DDIAS: variants seen among roughly 807,000 people sequenced by gnomAD.
DDIAS encodes the protein DNA damage induced apoptosis suppressor.
DDIAS carries 14 observed loss-of-function variants against 15.7 expected under a neutral mutation model. The observed-to-expected ratio is 0.89, with a 90% CI of 0.59 to 1.39. The LOEUF (loss-of-function observed/expected upper bound fraction) is 1.39. Ranked by LOEUF, DDIAS falls within the 40% of genes most tolerant of loss-of-function variation. The pLI is 0.00. For missense variants in DDIAS, 1,035 were observed against 1,130.9 expected (o/e 0.92, Z 1.22); for synonymous variants, 355 against 395.9 (o/e 0.90, Z 1.23).
At chr11:82,930,744 G>GT (rs997492787) in intron 5 of DDIAS, among the ~76,000 whole-genome samples, 1 of 103,160 alleles carries the variant, frequency 9.7e-6, no homozygotes, top group African/African-American at 4.9e-5. Flanking sequence ...TGTAGAAGAA[G>GT]TTAAAAAAAA....
intron 1 of DDIAS, among the ~76,000 whole-genome samples, chr11:82,910,529 C>T (rs1860509919): frequency 6.6e-6 from 1 of 151,532 alleles, no homozygotes. Flanking sequence ...CCTCGGCCTC[C>T]CAAAGTGCTG....
rs768107735 is a variant in DDIAS, at chr11:82,933,147, C to A, written c.1809C>A (p.Val603=). ...TTLCYRKYND[V]SDLCKLENKQ... ...TGTGTTATAGGAAGTATAATGATGT[C>A]TCTGATCTTTGCAAATTAGAAAATA... Residue 603 remains valine (V), a synonymous_variant, in exon 6 of 6, where the codon GTC becomes GTA. Transcript: ENST00000533655. 5 of 1,609,710 alleles carry A rather than the reference C, an allele frequency of 3.1e-6. No homozygotes were observed. The highest frequency in any genetic ancestry group is 3.4e-6 in the Non-Finnish European group (4 of 1,179,684).
chr11:82,926,367 G>C (rs1860862768), intron 3 of DDIAS, among the ~76,000 whole-genome samples: 1 of 152,046 alleles, frequency 6.6e-6, no homozygotes, highest in South Asian at 2.1e-4. Context: ...GGGATTACAG[G>C]TGTGAGCCAT....
intron 5 of DDIAS, among the ~76,000 whole-genome samples, chr11:82,930,966 T>C (rs1436650496): frequency 6.6e-6 from 1 of 152,154 alleles, no homozygotes; most frequent in Non-Finnish European, 1.5e-5. Flanking sequence ...TCTCCTCTCT[T>C]CTTTTTCCTC....
At chr11:82,908,633 A>G (rs1331062497) in intron 1 of DDIAS, among the ~76,000 whole-genome samples, 1 of 152,226 alleles carries the variant, frequency 6.6e-6, no homozygotes, top group African/African-American at 2.4e-5. Flanking sequence ...AGAGTCATTT[A>G]TACTTAAAGT....
At chr11:82,903,167 T>C (rs1055972873) in intron 1 of DDIAS, among the ~76,000 whole-genome samples, 3 of 152,222 alleles carry the variant, frequency 2.0e-5, no homozygotes, top group Non-Finnish European at 4.4e-5. Context: ...AGGACAGTTG[T>C]ATGAGATGAG....
chr11:82,913,991 C>G (rs1860576081), intron 2 of DDIAS: 2 of 427,404 alleles, frequency 4.7e-6, no homozygotes, highest in South Asian at 3.4e-5. Flanking sequence ...GGCTGAAGTG[C>G]CATGGTGCAA....
At chr11:82,927,084 T>TC (rs1860878805) in intron 3 of DDIAS, among the ~76,000 whole-genome samples, 1 of 152,174 alleles carries the variant, frequency 6.6e-6, no homozygotes, top group African/African-American at 2.4e-5. Context: ...CAAACTAATT[T>TC]CCCCATTTGT....
Position 82,934,386 on chromosome 11 carries a change from T to C in DDIAS, c.*51T>C, listed in dbSNP as rs757171902. ...ACTTTTAAATCTGTTTGGAAATGTTTGCCTTCAGGGGTACGGAAAGCATTC... is the reference window on the plus strand; with the variant it reads ...ACTTTTAAATCTGTTTGGAAATGTTCGCCTTCAGGGGTACGGAAAGCATTC... On this transcript the variant is annotated 3_prime_UTR_variant, in exon 6 of 6. Coordinates refer to ENST00000533655, the MANE Select transcript of DDIAS (RefSeq NM_145018.4). The C allele has an allele frequency of 4.0e-6, 6 of 1,498,790 alleles. No individual in the cohort carries two copies. In the South Asian group the frequency reaches 6.8e-5, roughly 17 times the overall value. The allele number at this position is 1,498,790 out of a possible 1,614,324, so 92.8% of individuals were successfully genotyped here.
rs1418538586 is a variant in DDIAS at position 82,932,311 on chromosome 11, G to A, written c.973G>A (p.Val325Ile). Residue 325 changes from valine to isoleucine, a missense_variant, in exon 6 of 6, where the codon GTT becomes ATT. Val to Ile is a conservative substitution (Grantham distance 29). Transcript: ENST00000533655. ...LGLQAKELSA[V>I]HSSHHEIGVN... ...CTTACAAGCTAAGGAGCTGAGTGCA[G>A]TTCACAGCAGTCATCATGAAATTGG... The A allele has an allele frequency of 6.2e-7, 1 of 1,614,030 alleles. No homozygotes were observed. Among genetic ancestry groups the A allele is most frequent in the Non-Finnish European group, 8.5e-7 (1 of 1,179,930 alleles).
At chr11:82,925,969 T>C (rs934175731) in intron 3 of DDIAS, among the ~76,000 whole-genome samples, 8 of 142,726 alleles carry the variant, frequency 5.6e-5, no homozygotes, top group Non-Finnish European at 1.1e-4. Context: ...GCCTGGCCAA[T>C]AGCGAGACAC....
At chr11:82,928,959 C>G (rs1860927033) in intron 4 of DDIAS, 21 bp downstream of exon 4, 1 of 1,587,708 alleles carries the variant, frequency 6.3e-7, no homozygotes, top group Non-Finnish European at 8.5e-7. Flanking sequence ...TTAAAACATC[C>G]TTTTTCCTGA....
At chr11:82,921,669 C>A (rs188752909) in intron 3 of DDIAS, among the ~76,000 whole-genome samples, 3 of 150,980 alleles carry the variant, frequency 2.0e-5, no homozygotes, top group South Asian at 2.1e-4. Context: ...CCTCCGCCCC[C>A]CCAGGTTCAA....
At chr11:82,913,626 A>G in intron 2 of DDIAS, 1 of 393,044 alleles carries the variant, frequency 2.5e-6, no homozygotes, top group Non-Finnish European at 4.9e-6. Context: ...TCTGTTTACA[A>G]AATCTGAAGT....
rs1431844863 is a variant in DDIAS at position 82,933,562 on chromosome 11, T to C, written c.2224T>C (p.Ser742Pro). 2 of 1,614,092 alleles carry C rather than the reference T, an allele frequency of 1.2e-6. No homozygotes were observed. The highest frequency in any genetic ancestry group is 3.3e-5 in the Admixed American group (2 of 60,024). Residue 742 changes from serine (S) to proline (P), a missense_variant, in exon 6 of 6, where the codon TCT becomes CCT. Ser to Pro is a moderately conservative substitution (Grantham distance 74). Coordinates refer to ENST00000533655, the MANE Select transcript of DDIAS (RefSeq NM_145018.4). ...QKLSLQSLSD[S>P]RHSRTCSPTP... ...ATTATCCTTGCAAAGCCTATCTGAC[T>C]CTAGGCATTCAAGAACATGCTCTCC...
At chr11:82,910,363 C>T (rs569665699) in intron 1 of DDIAS, among the ~76,000 whole-genome samples, 4 of 150,846 alleles carry the variant, frequency 2.7e-5, no homozygotes, top group Non-Finnish European at 5.9e-5. Context: ...TCACTGCAAC[C>T]TCCGCCTCCC....
chr11:82,905,253 C>G (rs933698493), intron 1 of DDIAS, among the ~76,000 whole-genome samples: 1 of 152,174 alleles, frequency 6.6e-6, no homozygotes, highest in African/African-American at 2.4e-5. Context: ...CCAACACTTA[C>G]ACTTTTGTCC....
rs1861035907 is a variant in DDIAS at position 82,933,100 on chromosome 11, A to G, written c.1762A>G (p.Met588Val). ...NGCGEISVSE[M>V]NEKLTTLCYR... ...ATGTGGAGAAATATCAGTTTCAGAAATGAATGAAAAGTTGACAACTCTGTG... is the reference window on the plus strand; with the variant it reads ...ATGTGGAGAAATATCAGTTTCAGAAGTGAATGAAAAGTTGACAACTCTGTG... Residue 588 changes from methionine to valine, a missense_variant, in exon 6 of 6, where the codon ATG becomes GTG. Physicochemically the swap from Met to Val is conservative, Grantham distance 21. Transcript: ENST00000533655. 2.5e-6 allele frequency: 4 copies of G among 1,602,530 alleles called. No individual in the cohort carries two copies. In the African/African-American group the frequency reaches 4.0e-5, roughly 16 times the overall value.
At position 82,933,905 on chromosome 11, in the gene DDIAS, G is replaced by A; in HGVS notation, c.2567G>A (p.Cys856Tyr). ...DVFNHYPFAE[C>Y]HETDSDEWVP... is the part of the protein sequence containing the mutation. Reference sequence around the variant, plus strand: ...TTCAATCACTACCCTTTTGCTGAGTGCCATGAAACTGATAGTGATGAATGG... The same window carrying A: ...TTCAATCACTACCCTTTTGCTGAGTACCATGAAACTGATAGTGATGAATGG... The change falls in exon 6 of 6, where the codon TGC (cysteine) becomes TAC (tyrosine). Residue 856 changes from cysteine to tyrosine, a missense_variant. Coordinates refer to ENST00000533655, the MANE Select transcript of DDIAS (RefSeq NM_145018.4). 2 of 1,613,798 alleles carry A rather than the reference G, an allele frequency of 1.2e-6. No homozygotes were observed. The highest frequency in any genetic ancestry group is 1.7e-6 in the Non-Finnish European group (2 of 1,179,956).
Sources: allele counts gnomAD v4.1 joint callset (sites outside exome capture counted in the v4.1 genomes callset), GRCh38; gene constraint gnomAD v4.1.1; transcripts MANE v1.5; gene names NCBI Gene and HGNC (gene_info 2026-07-23, HGNC 2026-07-21).